SLC16A7: variants seen among roughly 807,000 people sequenced by gnomAD.
SLC16A7 encodes solute carrier family 16 member 7, also known as monocarboxylate transporter 2.
SLC16A7 carries 33 observed loss-of-function variants against 34.9 expected under a neutral mutation model. That is an observed-to-expected ratio of 0.94 (90% CI 0.72 to 1.26). The LOEUF is 1.26. Among genes scored for constraint, SLC16A7 ranks in the 50% most tolerant of loss-of-function variants. The pLI is 0.00. For missense variants in SLC16A7, 573 were observed against 578.1 expected, an observed-to-expected ratio of 0.99 and a Z score of 0.09; for synonymous variants, 201 against 206.6, an observed-to-expected ratio of 0.97 and a Z score of 0.23.
chr12:59,606,803 GA>G (rs1182403927), intron 1 of SLC16A7, among the ~76,000 whole-genome samples: 2 of 152,146 alleles, frequency 1.3e-5, no homozygotes, highest in Non-Finnish European at 2.9e-5. Flanking sequence ...AAAGGAGACT[GA>G]AATTTTAGAG....
At chr12:59,656,711 C>T (rs970055389) in intron 2 of SLC16A7, among the ~76,000 whole-genome samples, 3 of 151,882 alleles carry the variant, frequency 2.0e-5, no homozygotes, top group Non-Finnish European at 4.4e-5. Context: ...GTAGAAACAG[C>T]GGTTTATGCC....
Position 59,607,146 on chromosome 12 carries a change from G to A in SLC16A7, c.-130+10910G>A, listed in dbSNP as rs558588983. Among the ~76,000 whole-genome samples the A allele has an allele frequency of 2.0e-5, 3 of 151,866 alleles. No homozygotes were observed. The East Asian group carries it at 5.8e-4, about 29-fold the overall frequency. On this transcript the variant is annotated intron_variant, in intron 1 of 5. Coordinates refer to ENST00000547379, the MANE Select transcript of SLC16A7 (RefSeq NM_001270623.2). ...TGCAAAACCTGACAGTTTTACTATC[G>A]CACTTTAGAGAAAAAAAAAATTATT...
intron 1 of SLC16A7, among the ~76,000 whole-genome samples, chr12:59,598,484 T>C (rs567576769): frequency 1.6e-4 from 23 of 145,144 alleles, no homozygotes; most frequent in African/African-American, 5.8e-4. Flanking sequence ...ATTTGCCTTT[T>C]AGTCCATTTT....
chr12:59,600,527 C>T (rs1003697181), intron 1 of SLC16A7, among the ~76,000 whole-genome samples: 13 of 151,786 alleles, frequency 8.6e-5, no homozygotes, highest in African/African-American at 2.9e-4. Flanking sequence ...ATGGTGAATC[C>T]AGGGGCTGAG....
chr12:59,693,557 C>T (rs763646285), intron 2 of SLC16A7, among the ~76,000 whole-genome samples: 6 of 151,826 alleles, frequency 4.0e-5, no homozygotes, highest in Admixed American at 2.6e-4. Flanking sequence ...TGAAAAACAC[C>T]TGAAGGTCAC....
intron 2 of SLC16A7, among the ~76,000 whole-genome samples, chr12:59,664,195 G>A (rs1024480384): frequency 2.0e-5 from 3 of 152,174 alleles, no homozygotes; most frequent in South Asian, 2.1e-4. Flanking sequence ...AGAGAATGGG[G>A]TAGTGGGTAT....
At chr12:59,764,939 A>G (rs1881431904) in intron 3 of SLC16A7, among the ~76,000 whole-genome samples, 1 of 152,324 alleles carries the variant, frequency 6.6e-6, no homozygotes, top group African/African-American at 2.4e-5. Flanking sequence ...ACTAGTTTAC[A>G]GTCCCACCAA....
chr12:59,730,365 G>C (rs1208576111), intron 3 of SLC16A7, among the ~76,000 whole-genome samples: 3 of 146,986 alleles, frequency 2.0e-5, no homozygotes, highest in African/African-American at 7.5e-5. Flanking sequence ...AAAAAAAACA[G>C]ACAACACACC....
chr12:59,721,072 G>A (rs34183506), intron 3 of SLC16A7, among the ~76,000 whole-genome samples: 11,807 of 151,956 alleles, frequency 0.078, 552 homozygotes, highest in Middle Eastern at 0.18. Flanking sequence ...ATTGATGATC[G>A]ATAATCTTAG....
chr12:59,779,383 T>TTTTA (rs1385395777), intron 5 of SLC16A7, 40 bp from the exon 6 acceptor site: 3 of 1,477,166 alleles, frequency 2.0e-6, no homozygotes, highest in Admixed American at 4.1e-5. Context: ...TATATGACTG[T>TTTTA]TTTATTATGC....
intron 3 of SLC16A7, among the ~76,000 whole-genome samples, chr12:59,764,702 T>C (rs1343958835): frequency 1.3e-5 from 2 of 152,200 alleles, no homozygotes; most frequent in East Asian, 3.8e-4. Context: ...ATGGTGTATA[T>C]GTGCCATATT....
chr12:59,749,784 G>A (rs1879301562), intron 3 of SLC16A7, among the ~76,000 whole-genome samples: 1 of 152,232 alleles, frequency 6.6e-6, no homozygotes, highest in Non-Finnish European at 1.5e-5. Flanking sequence ...GAAAGAGATT[G>A]TGGATGTGGC....
chr12:59,610,398 C>A (rs910818751), intron 1 of SLC16A7, among the ~76,000 whole-genome samples: 3 of 152,200 alleles, frequency 2.0e-5, no homozygotes, highest in South Asian at 2.1e-4. Flanking sequence ...GGGATTGATG[C>A]TAGTATCAAG....
intron 3 of SLC16A7, chr12:59,720,180 C>A: frequency 1.5e-6 from 1 of 667,652 alleles, no homozygotes; most frequent in South Asian, 1.6e-5. Context: ...TAAATTTGTT[C>A]CAGTTTGGAA....
chr12:59,660,802 T>C (rs1475309284), intron 2 of SLC16A7, among the ~76,000 whole-genome samples: 1 of 152,112 alleles, frequency 6.6e-6, no homozygotes, highest in Non-Finnish European at 1.5e-5. Context: ...TAAATTTGTT[T>C]TGAGGTGTGG....
intron 2 of SLC16A7, among the ~76,000 whole-genome samples, chr12:59,660,700 C>A (rs1868802109): frequency 6.6e-6 from 1 of 151,864 alleles, no homozygotes. Context: ...AAGAGTGAGA[C>A]CCTGTCACAA....
chr12:59,654,251 AAT>A (rs1209218680), intron 1 of SLC16A7, among the ~76,000 whole-genome samples: 1 of 151,296 alleles, frequency 6.6e-6, no homozygotes, highest in Non-Finnish European at 1.5e-5. Flanking sequence ...GTTAATAGTT[AAT>A]AGTTATTAAT....
chr12:59,632,143 A>G (rs1377664786), intron 1 of SLC16A7, among the ~76,000 whole-genome samples: 1 of 151,968 alleles, frequency 6.6e-6, no homozygotes, highest in Non-Finnish European at 1.5e-5. Flanking sequence ...AGCAGAGGGA[A>G]GATGGAACAG....
intron 2 of SLC16A7, among the ~76,000 whole-genome samples, chr12:59,686,754 G>A (rs1342063115): frequency 4.0e-5 from 6 of 151,872 alleles, no homozygotes; most frequent in Admixed American, 6.6e-5. Flanking sequence ...CTACATTCCC[G>A]ACTATTTTTT....
Sources: gnomAD v4.1 joint callset for allele counts (sites outside exome capture counted in the v4.1 genomes callset) on GRCh38, gnomAD v4.1.1 for gene constraint, MANE v1.5 for transcripts, NCBI Gene and HGNC (gene_info 2026-07-23, HGNC 2026-07-21) for gene names.